The following CADM2 variants were observed in gnomAD, a reference collection of about 807,000 sequenced individuals.
The protein encoded by CADM2 is immunoglobulin superfamily member 4D.
A neutral mutation model predicts 49.8 loss-of-function variants in CADM2; 12 were observed. The ratio of observed to expected loss-of-function variants is 0.24; its 90% CI spans 0.15 to 0.39. The LOEUF is 0.39. Among genes scored for constraint, CADM2 ranks in the 10% least tolerant of loss-of-function variants. The pLI, the probability that CADM2 is intolerant of heterozygous loss-of-function variation, is 1.00. For missense variants in CADM2, 378 were observed against 492.3 expected, an observed-to-expected ratio of 0.77 and a Z score of 2.20; for synonymous variants, 214 against 175.4, an observed-to-expected ratio of 1.22 and a Z score of -1.74.
intron 2 of CADM2, among the ~76,000 whole-genome samples, chr3:85,792,793 G>A (rs1403450600): frequency 6.6e-6 from 1 of 152,184 alleles, no homozygotes; most frequent in Non-Finnish European, 1.5e-5. Flanking sequence ...GTTAAAACAT[G>A]CATCATCCTA....
At chr3:86,060,391 T>C (rs1231588050) in intron 8 of CADM2, among the ~76,000 whole-genome samples, 1 of 152,202 alleles carries the variant, frequency 6.6e-6, no homozygotes, top group Non-Finnish European at 1.5e-5. Flanking sequence ...ACAGATGTCA[T>C]GTAATTCATA....
At chr3:85,484,506 A>T (rs2039338930) in intron 1 of CADM2, among the ~76,000 whole-genome samples, 1 of 151,900 alleles carries the variant, frequency 6.6e-6, no homozygotes, top group African/African-American at 2.4e-5. Flanking sequence ...TTAAATTTGT[A>T]TTCTATATAG....
Position 85,533,661 on chromosome 3 carries a change from T to C in CADM2, c.62-192861T>C, listed in dbSNP as rs538297572. ...TTCTCCTAAAATAAGTAAAACCCTG[T>C]GAATCTAGACAGAAACAGAGCGAAT... On this transcript the variant is annotated intron_variant, in intron 1 of 9. Coordinates refer to ENST00000383699, the MANE Select transcript of CADM2 (RefSeq NM_001167675.2). Among the ~76,000 whole-genome samples, 3 of 152,296 alleles carry C rather than the reference T, an allele frequency of 2.0e-5. No homozygotes were observed. The East Asian group carries it at 5.8e-4, about 29-fold the overall frequency.
chr3:85,973,020 T>C (rs533343142), intron 8 of CADM2, among the ~76,000 whole-genome samples: 1 of 151,910 alleles, frequency 6.6e-6, no homozygotes, highest in African/African-American at 2.4e-5. Flanking sequence ...TTAATTTTTT[T>C]AATACTCCTT....
chr3:85,299,437 G>T (rs1272051696), intron 1 of CADM2, among the ~76,000 whole-genome samples: 2 of 152,090 alleles, frequency 1.3e-5, no homozygotes, highest in Non-Finnish European at 2.9e-5. Context: ...GAATTCTGAA[G>T]CAGCTTCCTA....
intron 8 of CADM2, among the ~76,000 whole-genome samples, chr3:85,984,091 A>G (rs1472687250): frequency 6.7e-6 from 1 of 149,706 alleles, no homozygotes; most frequent in Non-Finnish European, 1.5e-5. Context: ...TATGTTATAT[A>G]TGATATATGC....
intron 1 of CADM2, among the ~76,000 whole-genome samples, chr3:85,027,074 TTTG>T (rs1258677296): frequency 1.3e-5 from 2 of 150,888 alleles, no homozygotes; most frequent in South Asian, 2.1e-4. Context: ...CACTATTTTT[TTTG>T]TTGTTGTGGT....
At chr3:85,323,393 A>C (rs1255114133) in intron 1 of CADM2, among the ~76,000 whole-genome samples, 1 of 152,102 alleles carries the variant, frequency 6.6e-6, no homozygotes, top group Non-Finnish European at 1.5e-5. Flanking sequence ...GTAACCCTGC[A>C]ACCTGTCTGA....
chr3:85,147,192 G>A (rs890624314), intron 1 of CADM2, among the ~76,000 whole-genome samples: 1 of 147,744 alleles, frequency 6.8e-6, no homozygotes, highest in East Asian at 2.1e-4. Flanking sequence ...GGAGAAAGGC[G>A]AGAACCCGGG....
chr3:85,757,628 AGG>A (rs2069184604), intron 2 of CADM2, among the ~76,000 whole-genome samples: 3 of 152,156 alleles, frequency 2.0e-5, no homozygotes, highest in African/African-American at 7.2e-5. Flanking sequence ...CAGATACTGA[AGG>A]GATGGGCTAC....
intron 1 of CADM2, among the ~76,000 whole-genome samples, chr3:85,097,334 A>G (rs1489449496): frequency 6.6e-6 from 1 of 152,082 alleles, no homozygotes; most frequent in Non-Finnish European, 1.5e-5. Flanking sequence ...TGAATTCTTC[A>G]TTTTTTATGG....
At chr3:85,121,523 C>T (rs547492130) in intron 1 of CADM2, among the ~76,000 whole-genome samples, 1 of 152,228 alleles carries the variant, frequency 6.6e-6, no homozygotes, top group Non-Finnish European at 1.5e-5. Flanking sequence ...AGAACAGGTA[C>T]TCACGCTTAG....
intron 1 of CADM2, among the ~76,000 whole-genome samples, chr3:85,692,210 G>T (rs1177058574): frequency 2.0e-5 from 3 of 152,098 alleles, no homozygotes; most frequent in African/African-American, 7.2e-5. Flanking sequence ...TTTGCTAAAG[G>T]ATTGTGGCTT....
intron 1 of CADM2, among the ~76,000 whole-genome samples, chr3:85,590,377 GACCTCAA>G (rs2063072020): frequency 6.6e-6 from 1 of 151,902 alleles, no homozygotes; most frequent in East Asian, 1.9e-4. Context: ...TATAGTACTT[GACCTCAA>G]TGAATTCATT....
intron 1 of CADM2, among the ~76,000 whole-genome samples, chr3:85,494,451 A>G (rs968492620): frequency 6.6e-6 from 1 of 152,110 alleles, no homozygotes. Context: ...AAAACCTAGA[A>G]TCTTGTGTAA....
intron 1 of CADM2, among the ~76,000 whole-genome samples, chr3:85,269,473 A>G (rs2043188654): frequency 6.6e-6 from 1 of 151,498 alleles, no homozygotes; most frequent in African/African-American, 2.4e-5. Context: ...TAATACTCCA[A>G]TAAATGTATT....
chr3:85,432,692 GC>G (rs2036737340), intron 1 of CADM2, among the ~76,000 whole-genome samples: 2 of 152,110 alleles, frequency 1.3e-5, no homozygotes, highest in Non-Finnish European at 2.9e-5. Flanking sequence ...TGGTTCAGGT[GC>G]TTTTGAAATG....
chr3:85,742,484 TAA>T (rs1577207369), intron 2 of CADM2, among the ~76,000 whole-genome samples: 2 of 152,284 alleles, frequency 1.3e-5, no homozygotes, highest in East Asian at 3.9e-4. Flanking sequence ...GATAATAAAT[TAA>T]GTTAGATTGG....
intron 3 of CADM2, among the ~76,000 whole-genome samples, chr3:85,824,421 CA>C (rs1230230855): frequency 7.1e-6 from 1 of 141,142 alleles, no homozygotes; most frequent in South Asian, 2.3e-4. Flanking sequence ...TAAGAAAAAA[CA>C]AAAAAACTCA....
Sources: gnomAD v4.1 joint callset for allele counts (sites outside exome capture counted in the v4.1 genomes callset) on GRCh38, gnomAD v4.1.1 for gene constraint, MANE v1.5 for transcripts, NCBI Gene and HGNC (gene_info 2026-07-23, HGNC 2026-07-21) for gene names.